Variants in EPB41L3 observed in about 807,000 individuals in gnomAD.
EPB41L3 encodes the protein erythrocyte membrane protein band 4.1 like 3, also known as band 4.1-like protein 3.
A neutral mutation model predicts 127.1 loss-of-function variants in EPB41L3; 57 were observed. The observed-to-expected ratio is 0.45, with a 90% confidence interval of 0.36 to 0.56. The LOEUF is 0.56. Ranked by LOEUF, EPB41L3 falls within the 20% of genes least tolerant of loss-of-function variation. The pLI is 0.00. For synonymous variants in EPB41L3, 572 were observed against 549.5 expected (o/e 1.04, Z -0.57); for missense variants, 1,273 against 1,372.2 (o/e 0.93, Z 1.14).
chr18:5,486,228 T>C (rs2089725150), intron 2 of EPB41L3, among the ~76,000 whole-genome samples: 1 of 151,924 alleles, frequency 6.6e-6, no homozygotes, highest in Non-Finnish European at 1.5e-5. Context: ...GCCAAGAACA[T>C]TCAATAGAGA....
rs147067703 is a variant in EPB41L3, at chr18:5,448,333, A to G, written c.382-3089T>C. ...CCTGGACTGGATCCCTTCTCTCCCA[A>G]CTCTAAAAATGTCTTGATTCTTCTA... On this transcript the variant is annotated intron_variant, in intron 3 of 22. Transcript: ENST00000341928. Among the ~76,000 whole-genome samples the G allele has an allele frequency of 4.4e-3, 677 of 152,168 alleles. 5 individuals carry two copies. The highest frequency in any genetic ancestry group is 0.016 in the African/African-American group (645 of 41,500).
At chr18:5,426,379 C>T (rs151064165) in intron 9 of EPB41L3, among the ~76,000 whole-genome samples, 1 of 152,078 alleles carries the variant, frequency 6.6e-6, no homozygotes, top group Non-Finnish European at 1.5e-5. Context: ...GGACTTTTCC[C>T]TCTTTTAATT....
At chr18:5,573,695 C>T (rs1366761686) in intron 3 of EPB41L3, among the ~76,000 whole-genome samples, 2 of 152,058 alleles carry the variant, frequency 1.3e-5, no homozygotes, top group African/African-American at 4.8e-5. Flanking sequence ...ACTTCTATAC[C>T]CATCAGGACC....
At chr18:5,584,211 C>T (rs77333310) in intron 3 of EPB41L3, among the ~76,000 whole-genome samples, 4 of 152,324 alleles carry the variant, frequency 2.6e-5, no homozygotes, top group South Asian at 2.1e-4. Context: ...ACAGCCAAGA[C>T]AGCCAATAGC....
chr18:5,512,560 C>T (rs1406540765), intron 1 of EPB41L3, among the ~76,000 whole-genome samples: 2 of 152,130 alleles, frequency 1.3e-5, no homozygotes, highest in African/African-American at 4.8e-5. Context: ...ATTGGTGTTT[C>T]AGACACACCA....
At chr18:5,396,703 G>T (rs1251860872) in intron 18 of EPB41L3, among the ~76,000 whole-genome samples, 2 of 152,132 alleles carry the variant, frequency 1.3e-5, no homozygotes, top group Non-Finnish European at 2.9e-5. Flanking sequence ...ACATGGTTTT[G>T]GTGCTTCTGG....
chr18:5,434,282 A>G (rs1361212859), intron 6 of EPB41L3, among the ~76,000 whole-genome samples, 161 bp from the exon 7 acceptor site: 1 of 152,210 alleles, frequency 6.6e-6, no homozygotes, highest in Non-Finnish European at 1.5e-5. Flanking sequence ...CTTCATACAT[A>G]CTTGTTCTAG....
chr18:5,528,265 C>T (rs2093298854), intron 1 of EPB41L3, among the ~76,000 whole-genome samples: 1 of 152,122 alleles, frequency 6.6e-6, no homozygotes, highest in Admixed American at 6.5e-5. Flanking sequence ...ACTTCCCAGG[C>T]TCAAGGAATC....
chr18:5,621,109 G>C (rs566636677), intron 1 of EPB41L3, among the ~76,000 whole-genome samples: 5 of 152,206 alleles, frequency 3.3e-5, no homozygotes, highest in African/African-American at 1.2e-4. Context: ...CTCACTTCCC[G>C]GCAGTCCTAG....
chr18:5,438,008 T>C, intron 6 of EPB41L3, 27 bp downstream of exon 6: 2 of 1,607,232 alleles, frequency 1.2e-6, no homozygotes, highest in Non-Finnish European at 1.7e-6. Context: ...AATATGCTTG[T>C]CTTTTGCATA....
At chr18:5,552,950 T>G (rs1364648312) in intron 3 of EPB41L3, among the ~76,000 whole-genome samples, 1 of 152,180 alleles carries the variant, frequency 6.6e-6, no homozygotes, top group Non-Finnish European at 1.5e-5. Context: ...AGTTAAATCA[T>G]ATGAAATTGC....
chr18:5,530,671 C>A (rs1171155449), intron 1 of EPB41L3, among the ~76,000 whole-genome samples: 4 of 152,166 alleles, frequency 2.6e-5, no homozygotes, highest in Admixed American at 6.5e-5. Context: ...CGACTCCAGA[C>A]TCTATCCAGC....
intron 1 of EPB41L3, among the ~76,000 whole-genome samples, chr18:5,530,823 A>G (rs2093387776): frequency 6.6e-6 from 1 of 152,104 alleles, no homozygotes; most frequent in Non-Finnish European, 1.5e-5. Flanking sequence ...TCCCCATCAC[A>G]GCACTTGGGA....
chr18:5,402,802 T>C (rs533689476), intron 16 of EPB41L3, among the ~76,000 whole-genome samples: 33 of 152,318 alleles, frequency 2.2e-4, no homozygotes, highest in Admixed American at 2.0e-3. Flanking sequence ...AACAAGGCCC[T>C]ATACTGGCGC....
At chr18:5,435,615 T>C (rs2079656499) in intron 6 of EPB41L3, among the ~76,000 whole-genome samples, 2 of 152,188 alleles carry the variant, frequency 1.3e-5, no homozygotes, top group Admixed American at 1.3e-4. Context: ...TTTGTGCAAG[T>C]CCACTCTTAA....
chr18:5,415,717 G>C, intron 13 of EPB41L3, 101 bp downstream of exon 13: 4 of 1,217,990 alleles, frequency 3.3e-6, no homozygotes, highest in East Asian at 2.4e-5. Flanking sequence ...CAATAAATGA[G>C]GCTCTGAAAG....
chr18:5,606,222 T>A (rs188873325), intron 3 of EPB41L3, among the ~76,000 whole-genome samples: 283 of 152,220 alleles, frequency 1.9e-3, no homozygotes, highest in African/African-American at 6.0e-3. Flanking sequence ...ACCAAAATAA[T>A]TTGGGAAAAT....
Position 5,543,837 on chromosome 18 carries a change from C to G in EPB41L3, c.-12+76G>C. ...ACTGTCCCGCGCGCCTCGCCCCAGG[C>G]CTCGGGCTCTTCCTCCGCACCTCGT... is the stretch of plus-strand genomic sequence containing the variant. On this transcript the variant is annotated intron_variant, in intron 1 of 22. Coordinates refer to ENST00000341928, the MANE Select transcript of EPB41L3 (RefSeq NM_012307.5). The surrounding 1 kb of genome is among the most constrained non-coding windows in gnomAD (Gnocchi z 5.2). 2.1e-6 allele frequency: 2 copies of G among 974,842 alleles called. No individual in the cohort carries two copies. Among genetic ancestry groups the G allele is most frequent in the Non-Finnish European group, 2.4e-6 (2 of 820,454 alleles). The allele number at this position is 974,842 out of a possible 1,614,324, so 60.4% of individuals were successfully genotyped here.
intron 3 of EPB41L3, among the ~76,000 whole-genome samples, chr18:5,475,785 C>CT (rs1162392217): frequency 1.5e-4 from 23 of 152,322 alleles, no homozygotes; most frequent in African/African-American, 5.3e-4. Flanking sequence ...AAACTGGAGT[C>CT]TGACACTTGG....
Sources: allele counts gnomAD v4.1 joint callset (sites outside exome capture counted in the v4.1 genomes callset), GRCh38; gene constraint gnomAD v4.1.1; non-coding constraint Gnocchi (gnomAD v3.1); transcripts MANE v1.5; gene names NCBI Gene and HGNC (gene_info 2026-07-23, HGNC 2026-07-21).